EXOC4: variants seen among roughly 807,000 people sequenced by gnomAD.
The protein encoded by EXOC4 is SEC8-like 1.
EXOC4 carries 71 observed loss-of-function variants against 107.2 expected under a neutral mutation model. The ratio of observed to expected loss-of-function variants is 0.66; its 90% CI spans 0.55 to 0.81. EXOC4 has a LOEUF of 0.81. Among genes scored for constraint, EXOC4 ranks in the 30% least tolerant of loss-of-function variants. The pLI is 0.00. For synonymous variants in EXOC4, 456 were observed against 441.2 expected (o/e 1.03, Z -0.42); for missense variants, 1,108 against 1,189.6 (o/e 0.93, Z 1.01).
intron 11 of EXOC4, among the ~76,000 whole-genome samples, chr7:133,878,892 T>G (rs1233706529): frequency 6.6e-6 from 1 of 151,968 alleles, no homozygotes; most frequent in Non-Finnish European, 1.5e-5. Context: ...GCCTGGCTAA[T>G]TTTTGTATTT....
chr7:133,786,882 T>C (rs1369964904), intron 10 of EXOC4, among the ~76,000 whole-genome samples: 1 of 152,250 alleles, frequency 6.6e-6, no homozygotes, highest in Non-Finnish European at 1.5e-5. Flanking sequence ...GTTCAGCATC[T>C]GCTATGCTCA....
chr7:134,003,913 G>A (rs369783467), intron 15 of EXOC4, among the ~76,000 whole-genome samples: 2 of 152,094 alleles, frequency 1.3e-5, no homozygotes, highest in African/African-American at 2.4e-5. Context: ...AAAAGCACCT[G>A]AGAATTGTGT....
chr7:133,677,663 T>G (rs977871206), intron 10 of EXOC4, among the ~76,000 whole-genome samples: 3 of 152,208 alleles, frequency 2.0e-5, no homozygotes, highest in Admixed American at 2.0e-4. Context: ...AAAGAATTGT[T>G]TTAAGCACCT....
chr7:133,917,339 C>A (rs1378333390), intron 12 of EXOC4, among the ~76,000 whole-genome samples: 1 of 152,108 alleles, frequency 6.6e-6, no homozygotes, highest in Non-Finnish European at 1.5e-5. Context: ...GTAAGAGGAG[C>A]TAATTAGTTT....
chr7:133,560,060 G>A (rs185103084), intron 9 of EXOC4, among the ~76,000 whole-genome samples: 4 of 152,152 alleles, frequency 2.6e-5, no homozygotes, highest in South Asian at 2.1e-4. Context: ...TGTCAATTAC[G>A]TCAATTACTG....
intron 11 of EXOC4, among the ~76,000 whole-genome samples, chr7:133,846,024 A>C (rs6953886): frequency 0.013 from 2,017 of 151,904 alleles, 20 homozygotes; most frequent in African/African-American, 0.029. Flanking sequence ...ACAGTCCCCC[A>C]CACACACACA....
intron 2 of EXOC4, among the ~76,000 whole-genome samples, chr7:133,280,093 T>C (rs1794096828): frequency 6.6e-6 from 1 of 152,142 alleles, no homozygotes; most frequent in Admixed American, 6.5e-5. Context: ...GAGTAGGTGG[T>C]ATTACAGGCA....
At chr7:133,636,301 A>G (rs1802709147) in intron 10 of EXOC4, among the ~76,000 whole-genome samples, 1 of 152,220 alleles carries the variant, frequency 6.6e-6, no homozygotes, top group Admixed American at 6.5e-5. Context: ...AAAAGCATTA[A>G]ATAAATGAGT....
chr7:133,608,135 G>T (rs1446825371), intron 9 of EXOC4, among the ~76,000 whole-genome samples: 2 of 152,066 alleles, frequency 1.3e-5, no homozygotes, highest in Non-Finnish European at 2.9e-5. Context: ...TAGATTCTGG[G>T]ATATTGGTTT....
intron 7 of EXOC4, among the ~76,000 whole-genome samples, chr7:133,456,728 A>G (rs1189566364): frequency 6.6e-6 from 1 of 152,174 alleles, no homozygotes; most frequent in Non-Finnish European, 1.5e-5. Context: ...AGGATGAAGG[A>G]CATGATAGGT....
At chr7:133,300,169 G>T (rs1390582337) in intron 3 of EXOC4, among the ~76,000 whole-genome samples, 3 of 152,094 alleles carry the variant, frequency 2.0e-5, no homozygotes, top group Admixed American at 6.5e-5. Context: ...GGGCATTTTT[G>T]ATTGTCTTAC....
chr7:133,339,359 T>C (rs1399671064), intron 5 of EXOC4, among the ~76,000 whole-genome samples: 1 of 152,196 alleles, frequency 6.6e-6, no homozygotes, highest in Non-Finnish European at 1.5e-5. Context: ...TCTGTTCCAT[T>C]GGTCAATGTG....
At chr7:133,679,542 G>A (rs10277314) in intron 10 of EXOC4, among the ~76,000 whole-genome samples, 141,708 of 145,450 alleles carry the variant, frequency 0.97, 69,044 homozygotes, top group South Asian at 1. Context: ...CCGTCCGTCC[G>A]TCCATCCATC....
At chr7:133,493,648 C>T (rs549221058) in intron 9 of EXOC4, among the ~76,000 whole-genome samples, 2 of 152,116 alleles carry the variant, frequency 1.3e-5, no homozygotes, top group African/African-American at 4.8e-5. Flanking sequence ...CCTAGAAACT[C>T]CTCCCCCCAC....
chr7:133,664,300 T>C (rs954430344), intron 10 of EXOC4, among the ~76,000 whole-genome samples: 1 of 152,188 alleles, frequency 6.6e-6, no homozygotes, highest in Non-Finnish European at 1.5e-5. Flanking sequence ...TTTTGTTCAC[T>C]GTAGTTTTCG....
chr7:133,853,906 A>G (rs1053281653), intron 11 of EXOC4, among the ~76,000 whole-genome samples: 33 of 152,138 alleles, frequency 2.2e-4, no homozygotes, highest in African/African-American at 7.5e-4. Flanking sequence ...TTTGGCTGGC[A>G]TATTTGTGGG....
chr7:133,948,949 C>T lies in EXOC4; in HGVS notation c.2206+10880C>T, dbSNP rs542053655. ...AAACCAGCGTGCCTTTGTTTCCCCACGGAGGCAATGCTGTTGTTCAGCTAT... is the reference window on the plus strand; with the variant it reads ...AAACCAGCGTGCCTTTGTTTCCCCATGGAGGCAATGCTGTTGTTCAGCTAT... On this transcript the variant is annotated intron_variant, in intron 14 of 17. Transcript: ENST00000253861. Among the ~76,000 whole-genome samples, 6 of 152,300 alleles carry T rather than the reference C, an allele frequency of 3.9e-5. No homozygotes were observed. The South Asian group carries it at 6.2e-4, about 16-fold the overall frequency.
intron 7 of EXOC4, among the ~76,000 whole-genome samples, chr7:133,458,485 G>A (rs543938272): frequency 6.6e-6 from 1 of 152,328 alleles, no homozygotes; most frequent in South Asian, 2.1e-4. Context: ...TATGGAGGAA[G>A]CACCTTGTGT....
In EXOC4 at chr7:134,007,858, G is replaced by A. The variant is rs376529263; in HGVS notation, c.2687+23G>A. On this transcript the variant is annotated intron_variant, in intron 17 of 17. Coordinates refer to ENST00000253861, the MANE Select transcript of EXOC4 (RefSeq NM_021807.4). ...AAGGTAGGAGGGAAAACTGGGTTTA[G>A]TTTCTTATGCCAAAGCTAAGACCTC... The A allele has an allele frequency of 2.4e-5, 38 of 1,599,384 alleles. No homozygotes were observed. The African/African-American group carries it at 4.6e-4, about 19-fold the overall frequency.
Sources: gnomAD v4.1 joint callset for allele counts (sites outside exome capture counted in the v4.1 genomes callset) on GRCh38, gnomAD v4.1.1 for gene constraint, MANE v1.5 for transcripts, NCBI Gene and HGNC (gene_info 2026-07-23, HGNC 2026-07-21) for gene names.